The following RNF111 variants were observed in gnomAD, a reference collection of about 807,000 sequenced individuals.
RNF111 encodes E3 ubiquitin-protein ligase Arkadia.
RNF111 carries 17 observed loss-of-function variants against 95.1 expected under a neutral mutation model. The observed-to-expected ratio is 0.18, with a 90% CI of 0.12 to 0.27. The LOEUF (loss-of-function observed/expected upper bound fraction) is 0.27. Among genes scored for constraint, RNF111 ranks in the 10% least tolerant of loss-of-function variants. RNF111 has a pLI of 1.00. For missense variants in RNF111, 1,189 were observed against 1,210.4 expected (o/e 0.98, Z 0.26); for synonymous variants, 440 against 414.8 (o/e 1.06, Z -0.74).
intron 1 of RNF111, among the ~76,000 whole-genome samples, chr15:59,026,260 A>G (rs552569981): frequency 9.1e-4 from 138 of 152,134 alleles, no homozygotes; most frequent in Non-Finnish European, 1.6e-3. Context: ...GAATTACTAA[A>G]TCCCAACCCT....
chr15:58,991,536 G>A (rs564892272), intron 1 of RNF111, among the ~76,000 whole-genome samples: 1 of 152,302 alleles, frequency 6.6e-6, no homozygotes, highest in African/African-American at 2.4e-5. Flanking sequence ...ATGTGATACG[G>A]CATGGATGGA....
At position 59,055,539 on chromosome 15, in the gene RNF111, A is replaced by T. The variant is rs2042167958; in HGVS notation, c.1008-143A>T. The T allele has an allele frequency of 1.0e-5, 4 of 388,464 alleles. No individual in the cohort carries two copies. In the East Asian group the frequency reaches 2.0e-4, roughly 19 times the overall value. 24.1% of individuals were successfully genotyped at this position (388,464 alleles called of 1,614,324 possible). On this transcript the variant is annotated intron_variant, in intron 3 of 13. Transcript: ENST00000348370. ...TAGGTCAATTAGTTTACCGAGTGCC[A>T]GTCATGATTTTTAATTACGATTATT... is the stretch of plus-strand genomic sequence containing the variant.
intron 2 of RNF111, 86 bp from the exon 3 acceptor site, chr15:59,052,219 T>C (rs2042018651): frequency 1.2e-5 from 14 of 1,185,364 alleles, no homozygotes; most frequent in Non-Finnish European, 1.6e-5. Context: ...ATGAATTTCA[T>C]GGTCTTCAAA....
intron 1 of RNF111, among the ~76,000 whole-genome samples, chr15:59,005,675 A>G (rs978159307): frequency 6.6e-6 from 1 of 152,178 alleles, no homozygotes. Context: ...TCGTACCAAA[A>G]AAAAAATGTA....
intron 4 of RNF111, among the ~76,000 whole-genome samples, chr15:59,056,545 G>A (rs1274732929): frequency 6.6e-6 from 1 of 152,164 alleles, no homozygotes; most frequent in African/African-American, 2.4e-5. Flanking sequence ...AGGTTTGGGA[G>A]TTAGCTATAA....
chr15:59,054,525 A>G (rs2042125635), intron 3 of RNF111, among the ~76,000 whole-genome samples: 1 of 152,084 alleles, frequency 6.6e-6, no homozygotes, highest in African/African-American at 2.4e-5. Context: ...ATCTTTCCTC[A>G]TACAAAACCA....
chr15:59,095,874 G>A lies in RNF111; in HGVS notation c.*974G>A, dbSNP rs750233886. 13 of 396,204 alleles carry A rather than the reference G, an allele frequency of 3.3e-5. No individual in the cohort carries two copies. The highest frequency in any genetic ancestry group is 5.8e-5 in the Non-Finnish European group (13 of 224,796). 24.5% of individuals were successfully genotyped at this position (396,204 alleles called of 1,614,324 possible). A position where few individuals can be genotyped will look rare whatever the true frequency, so the allele number is the denominator to read the frequency against. On this transcript the variant is annotated 3_prime_UTR_variant, in exon 14 of 14. Coordinates refer to ENST00000348370, the MANE Select transcript of RNF111 (RefSeq NM_017610.8). Reference sequence around the variant, plus strand: ...GAATTTAAGTCACTGGCAGGTATCTGTGCATTCATAGAACTTATAAAGGTC... The same window carrying A: ...GAATTTAAGTCACTGGCAGGTATCTATGCATTCATAGAACTTATAAAGGTC...
intron 1 of RNF111, among the ~76,000 whole-genome samples, chr15:59,017,783 G>C (rs182501756): frequency 1.6e-5 from 2 of 126,336 alleles, no homozygotes; most frequent in African/African-American, 6.4e-5. Context: ...TTGAGATGGA[G>C]TTTCGCTCTT....
chr15:59,085,819 T>C (rs1428429105), intron 10 of RNF111, 34 bp downstream of exon 10: 3 of 1,585,710 alleles, frequency 1.9e-6, no homozygotes, highest in Non-Finnish European at 2.6e-6. Context: ...TTTGACATGT[T>C]CTAAAAGTTC....
At chr15:59,026,548 T>G (rs540472710) in intron 1 of RNF111, among the ~76,000 whole-genome samples, 1 of 152,312 alleles carries the variant, frequency 6.6e-6, no homozygotes, top group South Asian at 2.1e-4. Context: ...AGCCAATAAT[T>G]TTTACAAAAA....
At chr15:59,081,379 A>C in intron 8 of RNF111, 95 bp downstream of exon 8, 1 of 1,069,120 alleles carries the variant, frequency 9.4e-7, no homozygotes, top group Non-Finnish European at 1.4e-6. Context: ...GCATGGTGGC[A>C]TGCACTTGTA....
In RNF111 at chr15:58,990,146, G is replaced by T. The variant is rs540967210; in HGVS notation, c.-20+2078G>T. The stretch of plus-strand genomic sequence containing the variant: ...TTTGCTTGCTATACATTAGATCTCC[G>T]AGTTTATTGTTAACCCTCCTTGGGC... On this transcript the variant is annotated intron_variant, in intron 1 of 13. Transcript: ENST00000348370. Among the ~76,000 whole-genome samples the T allele has an allele frequency of 3.9e-5, 6 of 152,224 alleles. No homozygotes were observed. In the East Asian group the frequency reaches 1.2e-3, roughly 29 times the overall value.
chr15:59,045,257 C>T (rs1351738487), intron 2 of RNF111, among the ~76,000 whole-genome samples: 1 of 149,030 alleles, frequency 6.7e-6, no homozygotes, highest in Non-Finnish European at 1.5e-5. Context: ...GTGGCACGAT[C>T]TTGGCTCACT....
intron 1 of RNF111, among the ~76,000 whole-genome samples, chr15:59,011,981 G>A (rs181797833): frequency 1.7e-3 from 155 of 92,692 alleles, no homozygotes; most frequent in African/African-American, 4.6e-3. Flanking sequence ...CTTAATTTTA[G>A]TGTTCTTTTT....
intron 6 of RNF111, among the ~76,000 whole-genome samples, chr15:59,072,270 A>G (rs1867758): frequency 6.6e-6 from 1 of 151,852 alleles, no homozygotes; most frequent in Non-Finnish European, 1.5e-5. Flanking sequence ...ATTGACTGTT[A>G]CTTTCATGAA....
intron 2 of RNF111, among the ~76,000 whole-genome samples, chr15:59,050,066 C>CTT (rs199954505): frequency 6.5e-5 from 9 of 138,232 alleles, no homozygotes; most frequent in Middle Eastern, 3.9e-3. Flanking sequence ...TTTTCTTTTT[C>CTT]TTTTTTTTTT....
intron 10 of RNF111, among the ~76,000 whole-genome samples, chr15:59,087,237 A>G (rs1360725488): frequency 6.6e-6 from 1 of 152,232 alleles, no homozygotes; most frequent in Non-Finnish European, 1.5e-5. Context: ...CAGAGTGACA[A>G]GAGGGTGAAA....
chr15:59,028,571 C>G (rs150869550), intron 1 of RNF111, among the ~76,000 whole-genome samples: 220 of 152,250 alleles, frequency 1.4e-3, no homozygotes, highest in African/African-American at 4.5e-3. Context: ...TAGTGAGGGA[C>G]TACCGTACTT....
intron 1 of RNF111, among the ~76,000 whole-genome samples, chr15:59,028,084 C>G (rs1392658703): frequency 2.6e-5 from 4 of 151,974 alleles, no homozygotes; most frequent in African/African-American, 9.7e-5. Flanking sequence ...GCCTCGGCCT[C>G]CCAAAGTGTA....
Sources: gnomAD v4.1 joint callset for allele counts (sites outside exome capture counted in the v4.1 genomes callset) on GRCh38, gnomAD v4.1.1 for gene constraint, MANE v1.5 for transcripts, NCBI Gene and HGNC (gene_info 2026-07-23, HGNC 2026-07-21) for gene names.